Variants in NOCT observed in about 807,000 individuals in gnomAD.
NOCT encodes the protein CCR4 carbon catabolite repression 4-like.
In NOCT, 18 loss-of-function variants were observed where a neutral mutation model predicts 35.0. The observed-to-expected ratio is 0.51, with a 90% CI of 0.36 to 0.76. NOCT has a LOEUF of 0.76. Among genes scored for constraint, NOCT ranks in the 30% least tolerant of loss-of-function variants. The pLI, the probability that NOCT is intolerant of heterozygous loss-of-function variation, is 0.01. For missense variants in NOCT, 479 were observed against 541.0 expected, an observed-to-expected ratio of 0.89 and a Z score of 1.14; for synonymous variants, 235 against 226.3, an observed-to-expected ratio of 1.04 and a Z score of -0.34.
At chr4:139,018,738 GC>G (rs1726360511) in intron 1 of NOCT, among the ~76,000 whole-genome samples, 1 of 152,168 alleles carries the variant, frequency 6.6e-6, no homozygotes, top group Non-Finnish European at 1.5e-5. Context: ...GATGAGATTT[GC>G]ACAATGAAAT....
chr4:139,034,046 G>A (rs1262979977), intron 1 of NOCT, among the ~76,000 whole-genome samples: 1 of 152,142 alleles, frequency 6.6e-6, no homozygotes, highest in Non-Finnish European at 1.5e-5. Flanking sequence ...TCCTAGGATT[G>A]TGATGAGAAC....
At chr4:139,037,235 G>A (rs1211929214) in intron 1 of NOCT, among the ~76,000 whole-genome samples, 1 of 152,164 alleles carries the variant, frequency 6.6e-6, no homozygotes, top group Non-Finnish European at 1.5e-5. Flanking sequence ...TATTCAAAAT[G>A]TAGCCCAATG....
At chr4:139,037,197 C>T (rs1198906441) in intron 1 of NOCT, among the ~76,000 whole-genome samples, 1 of 152,178 alleles carries the variant, frequency 6.6e-6, no homozygotes, top group Non-Finnish European at 1.5e-5. Flanking sequence ...GTAAACACTT[C>T]CTAATGATTC....
At chr4:139,032,968 G>C (rs780590731) in intron 1 of NOCT, among the ~76,000 whole-genome samples, 1 of 152,188 alleles carries the variant, frequency 6.6e-6, no homozygotes. Context: ...GGGAGGCTGA[G>C]GCAGGGGAAT....
intron 1 of NOCT, 34 bp downstream of exon 1, chr4:139,016,205 A>ACGGCCGCCAACGCG (rs779370813): frequency 1.7e-6 from 2 of 1,199,006 alleles, no homozygotes; most frequent in East Asian, 3.3e-5. Flanking sequence ...GGAGAACGCC[A>ACGGCCGCCAACGCG]CGGCCGCCAA....
At position 139,027,845 on chromosome 4, in the gene NOCT, T is replaced by C. The variant is rs572123186; in HGVS notation, c.190+11674T>C. On this transcript the variant is annotated intron_variant, in intron 1 of 2. Coordinates refer to ENST00000280614, the MANE Select transcript of NOCT (RefSeq NM_012118.4). Reference sequence around the variant, plus strand: ...AATTTCATATCATTTTCACATGTCATGAAATATTACTGTTCTTAAGGTTCC... The same window carrying C: ...AATTTCATATCATTTTCACATGTCACGAAATATTACTGTTCTTAAGGTTCC... Among the ~76,000 whole-genome samples the C allele has an allele frequency of 3.9e-5, 6 of 152,292 alleles. No individual in the cohort carries two copies. The South Asian group carries it at 1.0e-3, about 26-fold the overall frequency.
At chr4:139,016,923 G>A (rs552492158) in intron 1 of NOCT, among the ~76,000 whole-genome samples, 2 of 151,304 alleles carry the variant, frequency 1.3e-5, no homozygotes, top group South Asian at 4.2e-4. Flanking sequence ...AGAGTGCTGG[G>A]ATCACAGGCG....
At chr4:139,043,555 T>A in intron 2 of NOCT, 1 of 540,034 alleles carries the variant, frequency 1.9e-6, no homozygotes, top group Non-Finnish European at 3.3e-6. Flanking sequence ...AAAGACACTT[T>A]AATTGTTCTT....
rs7659634 is a variant in NOCT at position 139,024,307 on chromosome 4, C to T, written c.190+8136C>T. 7.9e-3 allele frequency among the ~76,000 whole-genome samples: 1,200 copies of T among 152,210 alleles called. 18 individuals are homozygous for T. The highest frequency in any genetic ancestry group is 0.028 in the African/African-American group (1,146 of 41,524). On this transcript the variant is annotated intron_variant, in intron 1 of 2. Coordinates refer to ENST00000280614, the MANE Select transcript of NOCT (RefSeq NM_012118.4). ...GGCTCAAGCAGTCCATCTGCTTCTG[C>T]CTCCCAAAGTACTGGATTACAAGCA...
Position 139,024,937 on chromosome 4 carries a change from G to A in NOCT, c.190+8766G>A, listed in dbSNP as rs931324515. On this transcript the variant is annotated intron_variant, in intron 1 of 2. Coordinates refer to ENST00000280614, the MANE Select transcript of NOCT (RefSeq NM_012118.4). ...ATGTTCTGAGTGGGAAGGTAATCTG[G>A]AGAACGGGCAGCCAGGCTTCCTTGT... is the stretch of plus-strand genomic sequence containing the variant. 2.0e-5 allele frequency among the ~76,000 whole-genome samples: 3 copies of A among 152,304 alleles called. No individual in the cohort carries two copies. The South Asian group carries it at 6.2e-4, about 32-fold the overall frequency.
intron 1 of NOCT, among the ~76,000 whole-genome samples, chr4:139,031,768 A>G (rs1726628861): frequency 6.6e-6 from 1 of 152,012 alleles, no homozygotes; most frequent in Admixed American, 6.6e-5. Context: ...GCTGGAGTGC[A>G]GTGGCATGAC....
In NOCT at chr4:139,028,544, T is replaced by G. The variant is rs530081941; in HGVS notation, c.190+12373T>G. On this transcript the variant is annotated intron_variant, in intron 1 of 2. Transcript: ENST00000280614. ...CAGTGACGTCGACAGATGGAGGAGG[T>G]GCAACTCGACCTCTGTTTCTTTCTG... Among the ~76,000 whole-genome samples, 4 of 152,244 alleles carry G rather than the reference T, an allele frequency of 2.6e-5. No homozygotes were observed. The East Asian group carries it at 7.7e-4, about 29-fold the overall frequency.
chr4:139,033,719 A>T (rs916648151), intron 1 of NOCT, among the ~76,000 whole-genome samples: 1 of 151,316 alleles, frequency 6.6e-6, no homozygotes, highest in African/African-American at 2.4e-5. Context: ...TTTTTAAAGT[A>T]GGTGAGAAAC....
chr4:139,042,914 C>CAA (rs375909985), intron 1 of NOCT, among the ~76,000 whole-genome samples, 160 bp from the exon 2 acceptor site: 3 of 81,788 alleles, frequency 3.7e-5, no homozygotes, highest in South Asian at 3.9e-4. Context: ...AACTCCATCT[C>CAA]AAAAAAAAAA....
chr4:139,025,050 C>G (rs1020940444), intron 1 of NOCT, among the ~76,000 whole-genome samples: 1 of 152,218 alleles, frequency 6.6e-6, no homozygotes, highest in African/African-American at 2.4e-5. Context: ...CCAACCCCTT[C>G]CCCGCTTTTT....
In NOCT at chr4:139,043,127, C is replaced by A; in HGVS notation, c.244C>A (p.Leu82Met). The A allele has an allele frequency of 6.2e-7, 1 of 1,613,938 alleles. No individual in the cohort carries two copies. Among genetic ancestry groups the A allele is most frequent in the Non-Finnish European group, 8.5e-7 (1 of 1,179,890 alleles). ...ACTCTATAGTGCTCTCGCCAAGACA[C>A]TGAACAGCAGCGCTGCCTCCCAGCA... ...SRLYSALAKT[L>M]NSSAASQHPE... Residue 82 changes from leucine to methionine, a missense_variant, in exon 2 of 3, where the codon CTG becomes ATG. Physicochemically the swap from Leu to Met is conservative, Grantham distance 15 (BLOSUM62 2). This residue lies in a region of NOCT where 265 missense variants were observed against 257.0 expected (regional missense o/e 1.03). Coordinates refer to ENST00000280614, the MANE Select transcript of NOCT (RefSeq NM_012118.4).
intron 1 of NOCT, chr4:139,028,015 C>A (rs1243133603): frequency 6.6e-6 from 1 of 152,152 alleles, no homozygotes; most frequent in East Asian, 1.9e-4. Flanking sequence ...GCAGAAGGCG[C>A]CTTATAGTTT....
rs978838641 is a variant in NOCT, at chr4:139,045,682, A to C, written c.*208A>C. ...CAGGCGCCCGTCACCACGCCCAGCT[A>C]ATTTTTTGTATTTTTAGTAGAGACG... On this transcript the variant is annotated 3_prime_UTR_variant, in exon 3 of 3. Transcript: ENST00000280614. 11 of 454,464 alleles carry C rather than the reference A, an allele frequency of 2.4e-5. No homozygotes were observed. In the East Asian group the frequency reaches 3.9e-4, roughly 16 times the overall value. The allele number at this position is 454,464 out of a possible 1,614,324, so 28.2% of individuals were successfully genotyped here.
At chr4:139,036,135 C>G (rs1241365135) in intron 1 of NOCT, among the ~76,000 whole-genome samples, 4 of 152,158 alleles carry the variant, frequency 2.6e-5, no homozygotes, top group Non-Finnish European at 5.9e-5. Context: ...TTGTTTGTCT[C>G]TCCCCACTAG....
Sources: allele counts gnomAD v4.1 joint callset (sites outside exome capture counted in the v4.1 genomes callset), GRCh38; gene constraint gnomAD v4.1.1; regional missense constraint gnomAD v4.1.1; transcripts MANE v1.5; gene names NCBI Gene and HGNC (gene_info 2026-07-23, HGNC 2026-07-21).